ZDHHC2: variants seen among roughly 807,000 people sequenced by gnomAD.
The protein encoded by ZDHHC2 is zDHHC palmitoyltransferase 2.
Under a neutral mutation model 55.6 loss-of-function variants are expected in ZDHHC2, and 51 were observed. The ratio of observed to expected loss-of-function variants is 0.92; its 90% CI spans 0.73 to 1.16. The LOEUF (loss-of-function observed/expected upper bound fraction) is 1.16, where lower values mean the gene tolerates loss of function less well. ZDHHC2 is among the 50% of genes most tolerant of loss of function. ZDHHC2 has a pLI of 0.00. For missense variants in ZDHHC2, 491 were observed against 442.4 expected (o/e 1.11, Z -0.99); for synonymous variants, 199 against 152.9 (o/e 1.30, Z -2.22).
At chr8:17,203,951 G>C (rs1051284054) in intron 6 of ZDHHC2, among the ~76,000 whole-genome samples, 1 of 152,064 alleles carries the variant, frequency 6.6e-6, no homozygotes, top group African/African-American at 2.4e-5. Context: ...GGGACTACAG[G>C]CGTGTACTAC....
At chr8:17,177,544 C>G (rs1265403513) in intron 1 of ZDHHC2, among the ~76,000 whole-genome samples, 1 of 152,172 alleles carries the variant, frequency 6.6e-6, no homozygotes, top group African/African-American at 2.4e-5. Flanking sequence ...TTAGTTTTTA[C>G]TTCTAACTAA....
intron 1 of ZDHHC2, among the ~76,000 whole-genome samples, chr8:17,170,208 G>T (rs1435735953): frequency 1.3e-5 from 2 of 152,180 alleles, no homozygotes; most frequent in African/African-American, 2.4e-5. Flanking sequence ...TGACAGTGAA[G>T]TTACAGAAGA....
At chr8:17,183,498 T>G (rs1016820400) in intron 1 of ZDHHC2, among the ~76,000 whole-genome samples, 3 of 152,188 alleles carry the variant, frequency 2.0e-5, no homozygotes, top group Admixed American at 6.5e-5. Context: ...AAATCGAAGG[T>G]CATCCAGGCC....
At chr8:17,196,571 A>G (rs1806322076) in intron 4 of ZDHHC2, among the ~76,000 whole-genome samples, 2 of 145,330 alleles carry the variant, frequency 1.4e-5, no homozygotes, top group Non-Finnish European at 3.0e-5. Flanking sequence ...TAAAATAAAT[A>G]AAAAATGTTT....
At chr8:17,194,408 G>A (rs997071326) in intron 3 of ZDHHC2, among the ~76,000 whole-genome samples, 5 of 149,338 alleles carry the variant, frequency 3.3e-5, no homozygotes, top group African/African-American at 1.2e-4. Context: ...GAATAATTAA[G>A]TGAAAACACC....
intron 1 of ZDHHC2, among the ~76,000 whole-genome samples, chr8:17,179,410 T>C (rs1257985698): frequency 6.6e-6 from 1 of 152,184 alleles, no homozygotes; most frequent in African/African-American, 2.4e-5. Context: ...CTTTATTTCT[T>C]CTTCTTTTTG....
At chr8:17,162,144 G>C (rs1804379001) in intron 1 of ZDHHC2, among the ~76,000 whole-genome samples, 1 of 152,194 alleles carries the variant, frequency 6.6e-6, no homozygotes, top group African/African-American at 2.4e-5. Context: ...GTTCCATTTA[G>C]TGTGTCAGAG....
chr8:17,184,128 C>A (rs1356591645), intron 1 of ZDHHC2, among the ~76,000 whole-genome samples: 1 of 152,162 alleles, frequency 6.6e-6, no homozygotes, highest in Non-Finnish European at 1.5e-5. Flanking sequence ...AAAAGGCGTA[C>A]ATATGTCTTG....
At chr8:17,208,851 G>T (rs1807233651) in intron 8 of ZDHHC2, among the ~76,000 whole-genome samples, 2 of 152,090 alleles carry the variant, frequency 1.3e-5, no homozygotes, top group Admixed American at 1.3e-4. Context: ...GAAACCTCTA[G>T]ATTTAACTTG....
intron 6 of ZDHHC2, among the ~76,000 whole-genome samples, chr8:17,201,649 C>T (rs1172527955): frequency 2.9e-5 from 4 of 138,656 alleles, no homozygotes; most frequent in East Asian, 4.1e-4. Flanking sequence ...CCCACCACTA[C>T]GCCTCACGGT....
At chr8:17,214,283 C>T (rs1339883876) in intron 10 of ZDHHC2, among the ~76,000 whole-genome samples, 1 of 152,170 alleles carries the variant, frequency 6.6e-6, no homozygotes, top group African/African-American at 2.4e-5. Context: ...GCTCATTCCC[C>T]AGACTGAACA....
At chr8:17,189,328 G>C (rs1267031777) in intron 3 of ZDHHC2, among the ~76,000 whole-genome samples, 1 of 151,596 alleles carries the variant, frequency 6.6e-6, no homozygotes, top group Non-Finnish European at 1.5e-5. Context: ...TACCTTCCTG[G>C]ATTTTTCTCC....
Position 17,210,449 on chromosome 8 carries a change from A to C in ZDHHC2, c.919A>C (p.Thr307Pro). 6.2e-7 allele frequency: 1 copy of C among 1,612,122 alleles called. No individual in the cohort carries two copies. Among genetic ancestry groups the C allele is most frequent in the South Asian group, 1.1e-5 (1 of 90,846 alleles). ...LVNQDPEQAS[T>P]PAGLNSTAKN... is the part of the protein sequence containing the mutation. ...TAACCAGGATCCTGAACAAGCATCTACTCCTGCAGGGCTGAATTCCACAGC... is the reference window on the plus strand; with the variant it reads ...TAACCAGGATCCTGAACAAGCATCTCCTCCTGCAGGGCTGAATTCCACAGC... The change falls in exon 10 of 13, where the codon ACT (threonine) becomes CCT (proline). Residue 307 changes from threonine (T) to proline (P), a missense_variant. Thr to Pro is a conservative substitution (Grantham distance 38, BLOSUM62 -1). Transcript: ENST00000262096.
chr8:17,195,373 C>T (rs2150921863), intron 3 of ZDHHC2, 131 bp from the exon 4 acceptor site: 1 of 1,087,504 alleles, frequency 9.2e-7, no homozygotes, highest in African/African-American at 1.6e-5. Context: ...ACGTTTCAAA[C>T]TCTATTGTCT....
chr8:17,176,410 C>G (rs1383401234), intron 1 of ZDHHC2, among the ~76,000 whole-genome samples: 1 of 151,934 alleles, frequency 6.6e-6, no homozygotes, highest in African/African-American at 2.4e-5. Flanking sequence ...ATTTACTGAT[C>G]AGTTTGTTGT....
chr8:17,196,233 G>A (rs1327024297), intron 4 of ZDHHC2, among the ~76,000 whole-genome samples: 1 of 151,992 alleles, frequency 6.6e-6, no homozygotes, highest in Admixed American at 6.6e-5. Context: ...ACCAAGACTT[G>A]CCCAGAGCTT....
intron 10 of ZDHHC2, among the ~76,000 whole-genome samples, chr8:17,213,473 A>G (rs1039380578): frequency 6.6e-6 from 1 of 152,064 alleles, no homozygotes. Flanking sequence ...GCTGGTCTCG[A>G]ACTTCCTGAC....
At chr8:17,165,452 T>G (rs971659652) in intron 1 of ZDHHC2, among the ~76,000 whole-genome samples, 1 of 152,172 alleles carries the variant, frequency 6.6e-6, no homozygotes, top group African/African-American at 2.4e-5. Context: ...TAATACCTGC[T>G]GAAAATTAAG....
At chr8:17,164,056 T>C (rs1804487265) in intron 1 of ZDHHC2, among the ~76,000 whole-genome samples, 1 of 152,096 alleles carries the variant, frequency 6.6e-6, no homozygotes, top group Non-Finnish European at 1.5e-5. Context: ...GAGGAGGCGC[T>C]GGGTAGGATG....
Sources: gnomAD v4.1 joint callset for allele counts (sites outside exome capture counted in the v4.1 genomes callset) on GRCh38, gnomAD v4.1.1 for gene constraint, MANE v1.5 for transcripts, NCBI Gene and HGNC (gene_info 2026-07-23, HGNC 2026-07-21) for gene names.